PRKD1: variants seen among roughly 807,000 people sequenced by gnomAD.
The protein encoded by PRKD1 is serine/threonine-protein kinase D1.
PRKD1 carries 63 observed loss-of-function variants against 95.9 expected under a neutral mutation model. The observed-to-expected ratio is 0.66, with a 90% CI of 0.54 to 0.81. PRKD1 has a LOEUF of 0.81. Among genes scored for constraint, PRKD1 ranks in the 30% least tolerant of loss-of-function variants. The pLI, the probability that PRKD1 is intolerant of heterozygous loss-of-function variation, is 0.00. For synonymous variants in PRKD1, 425 were observed against 423.1 expected (o/e 1.00, Z -0.05); for missense variants, 1,048 against 1,165.3 (o/e 0.90, Z 1.47).
At chr14:29,681,522 T>G (rs1275351007) in intron 2 of PRKD1, among the ~76,000 whole-genome samples, 1 of 152,226 alleles carries the variant, frequency 6.6e-6, no homozygotes, top group Admixed American at 6.5e-5. Flanking sequence ...ATGAATAAGC[T>G]GTCTGTGTCA....
At chr14:29,611,783 G>A (rs940476487) in intron 13 of PRKD1, among the ~76,000 whole-genome samples, 1 of 149,102 alleles carries the variant, frequency 6.7e-6, no homozygotes, top group African/African-American at 2.4e-5. Flanking sequence ...TCTACATGAA[G>A]CTGTTTAATG....
intron 1 of PRKD1, among the ~76,000 whole-genome samples, chr14:29,887,962 A>AT (rs1402277324): frequency 6.6e-6 from 1 of 152,248 alleles, no homozygotes; most frequent in African/African-American, 2.4e-5. Flanking sequence ...GGAATATGTC[A>AT]TAATAGACAT....
At chr14:29,799,671 C>T (rs761544040) in intron 1 of PRKD1, among the ~76,000 whole-genome samples, 1 of 152,230 alleles carries the variant, frequency 6.6e-6, no homozygotes, top group African/African-American at 2.4e-5. Context: ...AAGACCCAAA[C>T]TGCTTATGTA....
chr14:29,725,025 T>C (rs952070501), intron 2 of PRKD1, among the ~76,000 whole-genome samples: 1 of 152,212 alleles, frequency 6.6e-6, no homozygotes, highest in African/African-American at 2.4e-5. Flanking sequence ...CTGAGTTAAC[T>C]AGCGTCACAT....
At chr14:29,676,183 G>GTTTTTTTTTTTTTTTTTTTT (rs34953735) in intron 2 of PRKD1, among the ~76,000 whole-genome samples, 7 of 67,460 alleles carry the variant, frequency 1.0e-4, no homozygotes, top group Admixed American at 3.1e-4. Context: ...TTACGTTTTT[G>GTTTTTTTTTTTTTTTTTTTT]TTTTTTTTTT....
intron 1 of PRKD1, among the ~76,000 whole-genome samples, chr14:29,788,073 G>A (rs1889356104): frequency 6.6e-6 from 1 of 152,060 alleles, no homozygotes; most frequent in African/African-American, 2.4e-5. Flanking sequence ...TCCAGATATA[G>A]GACTACCTTA....
chr14:29,582,563 A>G (rs1305481284), intron 16 of PRKD1, among the ~76,000 whole-genome samples: 2 of 152,152 alleles, frequency 1.3e-5, no homozygotes, highest in South Asian at 2.1e-4. Context: ...GCTGCTATTG[A>G]GTGCACTTTT....
chr14:29,583,459 CCTT>C (rs1892813877), intron 16 of PRKD1, among the ~76,000 whole-genome samples: 1 of 152,080 alleles, frequency 6.6e-6, no homozygotes, highest in African/African-American at 2.4e-5. Flanking sequence ...GCTAGTTCCT[CCTT>C]CTTTTTGCAG....
Position 29,597,712 on chromosome 14 carries a change from G to C in PRKD1, c.2213C>G (p.Ser738Cys). The C allele has an allele frequency of 1.2e-6, 2 of 1,613,704 alleles. No individual in the cohort carries two copies. Among genetic ancestry groups the C allele is most frequent in the Non-Finnish European group, 1.7e-6 (2 of 1,179,876 alleles). The change falls in exon 16 of 18, where the codon TCT (serine) becomes TGT (cysteine). Residue 738 changes from serine to cysteine, a missense_variant. Around this residue, in one of 3 missense-constraint regions of PRKD1, gnomAD observed 739 missense variants for 861.9 expected, o/e 0.86. Coordinates refer to ENST00000331968, the MANE Select transcript of PRKD1 (RefSeq NM_002742.3). ...GGTACCCACCACTGACCTCCGGAAA[G>C]ACTTCTCTCCAATGATCCGGGCAAA... ...FGFARIIGEKSFRRSVVGTPA... is the reference protein window; with the variant it reads ...FGFARIIGEKCFRRSVVGTPA...
intron 4 of PRKD1, among the ~76,000 whole-genome samples, chr14:29,647,090 A>T (rs1418623636): frequency 1.3e-5 from 2 of 152,190 alleles, no homozygotes; most frequent in East Asian, 1.9e-4. Context: ...AGCAAAAAAA[A>T]AATATGTGCC....
chr14:29,738,836 T>C lies in PRKD1; in HGVS notation c.265-13162A>G, dbSNP rs1359888265. On this transcript the variant is annotated intron_variant, in intron 1 of 17. Transcript: ENST00000331968. ...GTCTCTCTCTCTTTCTTTTTTCTTT[T>C]TTTTTTTTTGGAGACAGAGTCTCAC... Among the ~76,000 whole-genome samples the C allele has an allele frequency of 5.5e-5, 8 of 146,112 alleles. No homozygotes were observed. In the East Asian group the frequency reaches 1.6e-3, roughly 28 times the overall value.
chr14:29,832,204 C>A (rs987490380), intron 1 of PRKD1, among the ~76,000 whole-genome samples: 1 of 152,072 alleles, frequency 6.6e-6, no homozygotes, highest in African/African-American at 2.4e-5. Flanking sequence ...GTTCCCACCC[C>A]ACCACCACCA....
At chr14:29,746,180 GT>G (rs34629350) in intron 1 of PRKD1, among the ~76,000 whole-genome samples, 19,281 of 152,040 alleles carry the variant, frequency 0.13, 1,792 homozygotes, top group East Asian at 0.47. Flanking sequence ...TGGTGCCACT[GT>G]GGGAATTTCC....
At chr14:29,925,872 T>C (rs975992410) in intron 1 of PRKD1, among the ~76,000 whole-genome samples, 1 of 152,238 alleles carries the variant, frequency 6.6e-6, no homozygotes, top group Non-Finnish European at 1.5e-5. Flanking sequence ...GAGAGGATTG[T>C]ATACAAGGCT....
chr14:29,684,187 A>T (rs1367614894), intron 2 of PRKD1, among the ~76,000 whole-genome samples: 1 of 142,806 alleles, frequency 7.0e-6, no homozygotes, highest in Non-Finnish European at 1.5e-5. Context: ...GTCTCACTCT[A>T]TCGCCCAGGC....
At chr14:29,594,237 G>C (rs1012661729) in intron 16 of PRKD1, 21 of 381,686 alleles carry the variant, frequency 5.5e-5, no homozygotes, top group Non-Finnish European at 1.0e-4. Context: ...ATGTTATTAA[G>C]ATTGTAACTT....
At chr14:29,604,242 ATTG>A (rs958857430) in intron 13 of PRKD1, among the ~76,000 whole-genome samples, 1 of 152,120 alleles carries the variant, frequency 6.6e-6, no homozygotes, top group African/African-American at 2.4e-5. Context: ...TTGTTGCTTT[ATTG>A]TAAATCTAGA....
rs187162360 is a variant in PRKD1, at chr14:29,911,153, G to C, written c.264+16096C>G. On this transcript the variant is annotated intron_variant, in intron 1 of 17. Coordinates refer to ENST00000331968, the MANE Select transcript of PRKD1 (RefSeq NM_002742.3). ...GCAATACTTATGTTTAATTTATTAG[G>C]TGTGTAAGAACTACTTAAGAACATA... Among the ~76,000 whole-genome samples the C allele has an allele frequency of 2.6e-5, 4 of 152,142 alleles. 1 individual carries two copies. The highest frequency in any genetic ancestry group is 2.1e-4 in the South Asian group (1 of 4,822).
intron 1 of PRKD1, among the ~76,000 whole-genome samples, chr14:29,889,387 G>A (rs986769969): frequency 2.6e-5 from 4 of 152,146 alleles, no homozygotes; most frequent in African/African-American, 9.7e-5. Flanking sequence ...TGGACAGTAG[G>A]TGCAGCCCAT....
Sources: gnomAD v4.1 joint callset for allele counts (sites outside exome capture counted in the v4.1 genomes callset) on GRCh38, gnomAD v4.1.1 for gene constraint, gnomAD v4.1.1 regional missense constraint, MANE v1.5 for transcripts, NCBI Gene and HGNC (gene_info 2026-07-23, HGNC 2026-07-21) for gene names.